ITPK1: variants seen among roughly 807,000 people sequenced by gnomAD.
ITPK1 encodes inositol 1,3,4-trisphosphate 5/6-kinase.
ITPK1 carries 21 observed loss-of-function variants against 45.3 expected under a neutral mutation model. The observed-to-expected ratio is 0.46, with a 90% confidence interval of 0.33 to 0.67. The LOEUF is 0.67. Among genes scored for constraint, ITPK1 ranks in the 30% least tolerant of loss-of-function variants. The probability of loss-of-function intolerance (pLI) is 0.02; values close to 1 mark genes in which losing one functional copy is unlikely to be tolerated. For synonymous variants in ITPK1, 258 were observed against 253.6 expected (o/e 1.02, Z -0.16); for missense variants, 474 against 573.5 (o/e 0.83, Z 1.77).
intron 5 of ITPK1, among the ~76,000 whole-genome samples, chr14:92,976,579 A>G (rs1885952852): frequency 1.3e-5 from 2 of 152,228 alleles, no homozygotes; most frequent in African/African-American, 4.8e-5. Context: ...TAGAGATGAC[A>G]TGTGTTGGGC....
At chr14:93,020,128 G>T (rs1334439654) in intron 3 of ITPK1, among the ~76,000 whole-genome samples, 1 of 152,148 alleles carries the variant, frequency 6.6e-6, no homozygotes, top group African/African-American at 2.4e-5. Context: ...GAAAACAAGG[G>T]GCCACTGTTT....
chr14:93,065,038 C>T (rs1036682232), intron 3 of ITPK1, among the ~76,000 whole-genome samples: 2 of 152,106 alleles, frequency 1.3e-5, no homozygotes, highest in Non-Finnish European at 2.9e-5. Flanking sequence ...GTGATGCCTT[C>T]ACCCCATCAT....
Position 92,940,893 on chromosome 14 carries a change from T to TG in ITPK1, c.*667dup. 7.8e-7 allele frequency: 1 copy of TG among 1,288,462 alleles called. No individual in the cohort carries two copies. Among genetic ancestry groups the TG allele is most frequent in the East Asian group, 5.6e-5 (1 of 18,010 alleles). The allele number at this position is 1,288,462 out of a possible 1,614,324, so 79.8% of individuals were successfully genotyped here. A position where few individuals can be genotyped will look rare whatever the true frequency, so the allele number is the denominator to read the frequency against. ...GTGCAGGGCTAAATGGGACGTGTGTTGGGGGGCCCAGAGGACGCCCAGCTT... is the reference window on the plus strand; with the variant it reads ...GTGCAGGGCTAAATGGGACGTGTGTTGGGGGGGCCCAGAGGACGCCCAGCTT... On this transcript the variant is annotated 3_prime_UTR_variant, in exon 11 of 11. Transcript: ENST00000267615.
At chr14:92,995,116 G>C (rs999727310) in intron 4 of ITPK1, among the ~76,000 whole-genome samples, 1 of 152,198 alleles carries the variant, frequency 6.6e-6, no homozygotes, top group Non-Finnish European at 1.5e-5. Context: ...CAGGGCCTCC[G>C]GAGGGAGCCA....
At chr14:93,000,333 T>C (rs560908763) in intron 4 of ITPK1, among the ~76,000 whole-genome samples, 30 of 152,362 alleles carry the variant, frequency 2.0e-4, no homozygotes, top group Non-Finnish European at 3.2e-4. Flanking sequence ...ATAGTCATAA[T>C]GATCCACCAC....
intron 3 of ITPK1, among the ~76,000 whole-genome samples, chr14:93,058,371 A>G (rs546445478): frequency 5.8e-5 from 8 of 139,028 alleles, no homozygotes; most frequent in African/African-American, 1.9e-4. Flanking sequence ...CCACAGGGTC[A>G]TAAGGCAGGG....
intron 10 of ITPK1, 46 bp downstream of exon 10, chr14:92,946,285 C>G (rs745475736): frequency 6.2e-7 from 1 of 1,606,098 alleles, no homozygotes; most frequent in East Asian, 2.2e-5. Flanking sequence ...CACCTGAGGA[C>G]AGTCTCTGGA....
chr14:92,997,486 G>C (rs1259448848), intron 4 of ITPK1, among the ~76,000 whole-genome samples: 1 of 152,186 alleles, frequency 6.6e-6, no homozygotes, highest in Non-Finnish European at 1.5e-5. Context: ...TCTGGGATGG[G>C]AACAGAGAGG....
intron 5 of ITPK1, among the ~76,000 whole-genome samples, chr14:92,970,006 C>G (rs79360956): frequency 1.3e-5 from 2 of 152,150 alleles, no homozygotes; most frequent in East Asian, 1.9e-4. Context: ...CAAGGCCACA[C>G]GAGTTACCAG....
chr14:92,954,734 T>G (rs1888113684), intron 8 of ITPK1, among the ~76,000 whole-genome samples: 1 of 150,182 alleles, frequency 6.7e-6, no homozygotes, highest in Non-Finnish European at 1.5e-5. Flanking sequence ...CCTTATTTCC[T>G]TCATCTCCTC....
chr14:93,013,021 T>C (rs1446413741), intron 4 of ITPK1, among the ~76,000 whole-genome samples: 3 of 149,670 alleles, frequency 2.0e-5, no homozygotes, highest in Non-Finnish European at 4.5e-5. Flanking sequence ...GTTGCCCCCC[T>C]GGGAAAGCCA....
intron 3 of ITPK1, among the ~76,000 whole-genome samples, chr14:93,074,161 G>C (rs1364898688): frequency 6.6e-6 from 1 of 152,242 alleles, no homozygotes; most frequent in Non-Finnish European, 1.5e-5. Context: ...GAGGTGAACA[G>C]AGAGGTATCG....
intron 4 of ITPK1, among the ~76,000 whole-genome samples, chr14:92,997,120 C>T (rs1435661955): frequency 6.6e-6 from 1 of 152,234 alleles, no homozygotes; most frequent in Non-Finnish European, 1.5e-5. Flanking sequence ...CGCTGCCTTC[C>T]TTCCAAAAGG....
Position 93,073,427 on chromosome 14 carries a change from C to T in ITPK1, c.120+3168G>A, listed in dbSNP as rs150372175. On this transcript the variant is annotated intron_variant, in intron 3 of 10. Coordinates refer to ENST00000267615, the MANE Select transcript of ITPK1 (RefSeq NM_014216.6). Reference sequence around the variant, plus strand: ...AAATCCACTTTCTTAAATATGCTCCCACACCCACCTCGGGAAGGTTACACA... The same window carrying T: ...AAATCCACTTTCTTAAATATGCTCCTACACCCACCTCGGGAAGGTTACACA... 1.2e-3 allele frequency among the ~76,000 whole-genome samples: 186 copies of T among 152,280 alleles called. 2 individuals carry two copies. The highest frequency in any genetic ancestry group is 4.3e-3 in the African/African-American group (177 of 41,554).
At chr14:93,103,099 C>CAAAAAAAA (rs71123389) in intron 2 of ITPK1, among the ~76,000 whole-genome samples, 3 of 68,854 alleles carry the variant, frequency 4.4e-5, no homozygotes, top group Admixed American at 1.7e-4. Flanking sequence ...GACTCCATCT[C>CAAAAAAAA]AAAAAAAAAA....
intron 3 of ITPK1, among the ~76,000 whole-genome samples, chr14:93,061,508 A>G (rs1890523302): frequency 6.6e-6 from 1 of 152,158 alleles, no homozygotes; most frequent in Non-Finnish European, 1.5e-5. Flanking sequence ...CAGGAGTGAG[A>G]AAGGAGGGGA....
chr14:93,037,615 G>A (rs1209427216), intron 3 of ITPK1, among the ~76,000 whole-genome samples: 5 of 152,104 alleles, frequency 3.3e-5, no homozygotes, highest in Non-Finnish European at 2.9e-5. Context: ...TGGCGAGCCC[G>A]GGGCTGAGAT....
chr14:93,028,763 G>A (rs1221633898), intron 3 of ITPK1, among the ~76,000 whole-genome samples: 1 of 152,196 alleles, frequency 6.6e-6, no homozygotes, highest in Non-Finnish European at 1.5e-5. Context: ...ACGCCAAACA[G>A]TAACCGCCTT....
At chr14:93,052,985 G>A (rs189517682) in intron 3 of ITPK1, among the ~76,000 whole-genome samples, 1,629 of 147,042 alleles carry the variant, frequency 0.011, 19 homozygotes, top group South Asian at 0.018. Flanking sequence ...TGGGGGGAGG[G>A]GGGAAGGGGG....
Sources: allele counts gnomAD v4.1 joint callset (sites outside exome capture counted in the v4.1 genomes callset), GRCh38; gene constraint gnomAD v4.1.1; transcripts MANE v1.5; gene names NCBI Gene and HGNC (gene_info 2026-07-23, HGNC 2026-07-21).